Variants in TBCE observed in about 807,000 individuals in gnomAD.
The protein encoded by TBCE is tubulin-specific chaperone E.
TBCE carries 53 observed loss-of-function variants against 77.0 expected under a neutral mutation model. The ratio of observed to expected loss-of-function variants is 0.69; its 90% CI spans 0.55 to 0.87. TBCE has a LOEUF of 0.87. Among genes scored for constraint, TBCE ranks in the 40% least tolerant of loss-of-function variants. TBCE has a pLI of 0.00. For missense variants in TBCE, 624 were observed against 622.4 expected, an observed-to-expected ratio of 1.00 and a Z score of -0.03; for synonymous variants, 235 against 241.3, an observed-to-expected ratio of 0.97 and a Z score of 0.24.
chr1:235,421,210 C>T (rs1176382636), intron 5 of TBCE, among the ~76,000 whole-genome samples: 2 of 152,038 alleles, frequency 1.3e-5, no homozygotes, highest in African/African-American at 2.4e-5. Context: ...TGTTTGAGAC[C>T]AGCCTTGGCA....
In TBCE at chr1:235,448,402, C is replaced by G; in HGVS notation, c.1453C>G (p.Pro485Ala). The G allele has an allele frequency of 6.2e-7, 1 of 1,614,054 alleles. No homozygotes were observed. Among genetic ancestry groups the G allele is most frequent in the Non-Finnish European group, 8.5e-7 (1 of 1,179,974 alleles). The change falls in exon 16 of 17, where the codon CCT becomes GCT. Residue 485 changes from proline to alanine, a missense_variant. By Grantham distance (27) the Pro-to-Ala change is conservative (BLOSUM62 -1). Transcript: ENST00000642610. ...KGLLSRLLKVPVSDLLLSYES... is the reference protein window; with the variant it reads ...KGLLSRLLKVAVSDLLLSYES... ...ATTGCTGTCACGTCTTCTCAAAGTT[C>G]CTGTGTCAGACCTTCTGTTGTCCTA...
chr1:235,373,966 A>T (rs1209193076), intron 1 of TBCE, among the ~76,000 whole-genome samples: 3 of 143,228 alleles, frequency 2.1e-5, no homozygotes, highest in Non-Finnish European at 4.5e-5. Context: ...TTTATTTTTT[A>T]AATTTTAAAA....
intron 15 of TBCE, among the ~76,000 whole-genome samples, chr1:235,448,022 AAC>A (rs1682538615): frequency 6.6e-6 from 1 of 152,118 alleles, no homozygotes; most frequent in Non-Finnish European, 1.5e-5. Context: ...CAGCCTGGCC[AAC>A]ATGGTGAAAC....
At chr1:235,424,762 C>A (rs1572409022) in intron 5 of TBCE, among the ~76,000 whole-genome samples, 1 of 152,090 alleles carries the variant, frequency 6.6e-6, no homozygotes, top group Admixed American at 6.6e-5. Context: ...GCCTCGGCCA[C>A]CCAACGTGCT....
intron 2 of TBCE, among the ~76,000 whole-genome samples, chr1:235,397,113 T>G (rs1326792610): frequency 6.6e-6 from 1 of 151,986 alleles, no homozygotes; most frequent in Admixed American, 6.6e-5. Context: ...TAGCTGGGAC[T>G]ACAGGGGTGC....
At chr1:235,417,907 A>T (rs1446473786) in intron 4 of TBCE, among the ~76,000 whole-genome samples, 1 of 152,076 alleles carries the variant, frequency 6.6e-6, no homozygotes, top group African/African-American at 2.4e-5. Context: ...CCTCCTGAGT[A>T]GTCGGGATTA....
intron 4 of TBCE, among the ~76,000 whole-genome samples, chr1:235,418,002 G>A (rs765175777): frequency 5.9e-5 from 9 of 151,946 alleles, no homozygotes; most frequent in Non-Finnish European, 1.3e-4. Flanking sequence ...GGCTGGTCTC[G>A]AACTCCTGAC....
chr1:235,370,252 C>CTTTTT (rs534933199), intron 1 of TBCE, among the ~76,000 whole-genome samples: 1 of 132,886 alleles, frequency 7.5e-6, no homozygotes, highest in African/African-American at 2.8e-5. Flanking sequence ...CTGCTGTATT[C>CTTTTT]TTTTTTTTTT....
At chr1:235,425,335 C>T (rs1680646678) in intron 5 of TBCE, among the ~76,000 whole-genome samples, 2 of 152,142 alleles carry the variant, frequency 1.3e-5, no homozygotes, top group Admixed American at 1.3e-4. Flanking sequence ...ATCCTGTGAG[C>T]CCCACTTCCA....
chr1:235,393,382 C>G (rs1011896053), intron 2 of TBCE, among the ~76,000 whole-genome samples: 1 of 150,836 alleles, frequency 6.6e-6, no homozygotes, highest in Non-Finnish European at 1.5e-5. Context: ...ACTAAAAATA[C>G]AAACAATTAG....
chr1:235,436,492 A>G, intron 10 of TBCE, 42 bp downstream of exon 10: 2 of 1,610,414 alleles, frequency 1.2e-6, no homozygotes, highest in South Asian at 2.2e-5. Flanking sequence ...CCCCCACACT[A>G]TACTTCAGCT....
chr1:235,372,806 C>T (rs1184135904), intron 1 of TBCE, among the ~76,000 whole-genome samples: 1 of 151,676 alleles, frequency 6.6e-6, no homozygotes, highest in Admixed American at 6.6e-5. Flanking sequence ...TGCCTGTAGT[C>T]CCAGCTACTG....
chr1:235,417,099 C>T (rs914338613), intron 4 of TBCE, among the ~76,000 whole-genome samples: 1 of 152,122 alleles, frequency 6.6e-6, no homozygotes, highest in Non-Finnish European at 1.5e-5. Context: ...GCTTTGAGAT[C>T]GTACCACTAA....
chr1:235,416,552 A>T (rs1026331700), intron 4 of TBCE, among the ~76,000 whole-genome samples: 2 of 139,352 alleles, frequency 1.4e-5, no homozygotes, highest in Non-Finnish European at 3.1e-5. Flanking sequence ...AAAAAAAAAA[A>T]ACCCCAAATA....
intron 3 of TBCE, among the ~76,000 whole-genome samples, chr1:235,407,319 T>C (rs4469707): frequency 0.74 from 111,090 of 151,128 alleles, 42,071 homozygotes; most frequent in African/African-American, 0.93. Context: ...CTCCTGGGCT[T>C]GAGTGATCCT....
chr1:235,383,375 G>T (rs1345327731), intron 2 of TBCE, among the ~76,000 whole-genome samples: 2 of 152,054 alleles, frequency 1.3e-5, no homozygotes, highest in African/African-American at 2.4e-5. Context: ...AGCTTGATGG[G>T]GATGGCATTG....
Position 235,436,586 on chromosome 1 carries a change from T to C in TBCE, c.941T>C (p.Val314Ala). 1.9e-6 allele frequency: 3 copies of C among 1,614,046 alleles called. No individual in the cohort carries two copies. Among genetic ancestry groups the C allele is most frequent in the Non-Finnish European group, 2.5e-6 (3 of 1,179,920 alleles). The change falls in exon 11 of 17, where the codon GTA (valine) becomes GCA (alanine). Residue 314 changes from valine (V) to alanine (A), a missense_variant. Physicochemically the swap from Val to Ala is moderately conservative, Grantham distance 64. Transcript: ENST00000642610. ...SMFPSLKYLV[V>A]NDNQISQWSF... The stretch of plus-strand genomic sequence containing the variant: ...TTCCCATCCTTGAAGTACCTGGTAG[T>C]AAACGACAATCAGATATCACAAGTA...
intron 2 of TBCE, among the ~76,000 whole-genome samples, chr1:235,393,660 A>G (rs539321170): frequency 6.2e-4 from 94 of 152,116 alleles, no homozygotes; most frequent in African/African-American, 2.1e-3. Flanking sequence ...ATACCTGGAG[A>G]ATAGAGTTGA....
At chr1:235,446,268 C>T (rs972467584) in intron 15 of TBCE, among the ~76,000 whole-genome samples, 7 of 152,048 alleles carry the variant, frequency 4.6e-5, no homozygotes. Context: ...CTCTGCCTTC[C>T]GGGTTCAAGC....
Sources: gnomAD v4.1 joint callset for allele counts (sites outside exome capture counted in the v4.1 genomes callset) on GRCh38, gnomAD v4.1.1 for gene constraint, MANE v1.5 for transcripts, NCBI Gene and HGNC (gene_info 2026-07-23, HGNC 2026-07-21) for gene names.